Variants in RPTOR observed in about 807,000 individuals in gnomAD.
RPTOR encodes the protein regulatory-associated protein of mTOR.
RPTOR carries 21 observed loss-of-function variants against 169.9 expected under a neutral mutation model. The observed-to-expected ratio is 0.12, with a 90% CI of 0.09 to 0.18. RPTOR has a LOEUF of 0.18. Among genes scored for constraint, RPTOR ranks in the 10% least tolerant of loss-of-function variants. The pLI is 1.00. For missense variants in RPTOR, 1,133 were observed against 1,855.9 expected, an observed-to-expected ratio of 0.61 and a Z score of 7.16; for synonymous variants, 732 against 753.2, an observed-to-expected ratio of 0.97 and a Z score of 0.46.
At chr17:80,883,568 A>G (rs1020888516) in intron 15 of RPTOR, 84 bp downstream of exon 15, 4 of 1,406,032 alleles carry the variant, frequency 2.8e-6, no homozygotes, top group Admixed American at 1.7e-5. Context: ...GTGGTGCCAC[A>G]TGGGGGACAG....
intron 6 of RPTOR, among the ~76,000 whole-genome samples, chr17:80,755,694 G>A (rs1225203185): frequency 6.8e-6 from 1 of 148,100 alleles, no homozygotes; most frequent in African/African-American, 2.5e-5. Context: ...AGCCAAGATT[G>A]TGCCAGTGTA....
At chr17:80,723,531 A>T (rs182932975) in intron 4 of RPTOR, among the ~76,000 whole-genome samples, 2 of 151,268 alleles carry the variant, frequency 1.3e-5, no homozygotes, top group Non-Finnish European at 2.9e-5. Context: ...AATTGTTTCA[A>T]CTTTGACCAC....
Position 80,880,465 on chromosome 17 carries a change from G to A in RPTOR, c.1560G>A (p.Ser520=), listed in dbSNP as rs146549130. The A allele has an allele frequency of 6.1e-5, 99 of 1,613,522 alleles. No homozygotes were observed. The highest frequency in any genetic ancestry group is 7.6e-5 in the Non-Finnish European group (90 of 1,180,010). Residue 520 remains serine (S), a synonymous_variant, in exon 14 of 34, where the codon TCG becomes TCA. Transcript: ENST00000306801. ...ACAACGGCCACAAGTACTTCCTGTC[G>A]GTCCTGGCGGACCCCTACATGCCAG... ...VKDNGHKYFL[S]VLADPYMPAE...
At chr17:80,727,774 C>A (rs1481891096) in intron 4 of RPTOR, among the ~76,000 whole-genome samples, 1 of 151,854 alleles carries the variant, frequency 6.6e-6, no homozygotes, top group East Asian at 1.9e-4. Flanking sequence ...TTTTTTTTAC[C>A]AGTCAAAACA....
intron 1 of RPTOR, among the ~76,000 whole-genome samples, chr17:80,584,486 G>A (rs12951309): frequency 0.19 from 28,635 of 152,022 alleles, 3,001 homozygotes; most frequent in East Asian, 0.28. Context: ...GAGGACCACT[G>A]CTATAAAAAC....
At chr17:80,838,341 ACT>A (rs1180260751) in intron 10 of RPTOR, among the ~76,000 whole-genome samples, 1 of 151,818 alleles carries the variant, frequency 6.6e-6, no homozygotes. Context: ...CAGGCCTCTG[ACT>A]CTCAGCCCTG....
At position 80,651,784 on chromosome 17, in the gene RPTOR, G is replaced by A. The variant is rs1447419830; in HGVS notation, c.348+7974G>A. On this transcript the variant is annotated intron_variant, in intron 3 of 33. Transcript: ENST00000306801. The surrounding 1 kb of genome is among the most constrained non-coding windows in gnomAD (Gnocchi z 4.1). ...TGTAATCCCAGCACTTTGGGAGGCCGAGGCGGGTGGATCGTGAGGTCAGGA... is the reference window on the plus strand; with the variant it reads ...TGTAATCCCAGCACTTTGGGAGGCCAAGGCGGGTGGATCGTGAGGTCAGGA... Among the ~76,000 whole-genome samples, 6 of 152,062 alleles carry A rather than the reference G, an allele frequency of 3.9e-5. No individual in the cohort carries two copies. The highest frequency in any genetic ancestry group is 1.2e-4 in the African/African-American group (5 of 41,402).
At chr17:80,800,090 G>A (rs1346378994) in intron 7 of RPTOR, among the ~76,000 whole-genome samples, 1 of 152,224 alleles carries the variant, frequency 6.6e-6, no homozygotes, top group Non-Finnish European at 1.5e-5. Context: ...GCTGTCTGGG[G>A]TTTGGGGGCT....
chr17:80,548,657 G>A (rs1224178234), intron 1 of RPTOR, among the ~76,000 whole-genome samples: 1 of 152,032 alleles, frequency 6.6e-6, no homozygotes, highest in African/African-American at 2.4e-5. Context: ...ACAGGTGTGA[G>A]CCACAGCACC....
At chr17:80,679,367 G>A (rs963617630) in intron 3 of RPTOR, among the ~76,000 whole-genome samples, 4 of 152,206 alleles carry the variant, frequency 2.6e-5, no homozygotes, top group African/African-American at 9.7e-5. Flanking sequence ...GCACAGGGCG[G>A]GAGGAAAGAG....
In RPTOR at chr17:80,637,458, T is replaced by C. The variant is rs545330527; in HGVS notation, c.266-6270T>C. On this transcript the variant is annotated intron_variant, in intron 2 of 33. Coordinates refer to ENST00000306801, the MANE Select transcript of RPTOR (RefSeq NM_020761.3). ...TTTTCCCACCCCTGCTCCGCCCCCC[T>C]CTGGATAATAAGTTGCTGTTCTAGT... Among the ~76,000 whole-genome samples the C allele has an allele frequency of 4.6e-5, 7 of 152,244 alleles. No homozygotes were observed. The East Asian group carries it at 1.2e-3, about 25-fold the overall frequency.
At chr17:80,647,568 C>T (rs1323718882) in intron 3 of RPTOR, among the ~76,000 whole-genome samples, 6 of 151,182 alleles carry the variant, frequency 4.0e-5, no homozygotes, top group African/African-American at 1.5e-4. Flanking sequence ...AAGCAGAGGC[C>T]ACACCTCTTT....
At chr17:80,560,841 C>T (rs1370758103) in intron 1 of RPTOR, among the ~76,000 whole-genome samples, 1 of 152,028 alleles carries the variant, frequency 6.6e-6, no homozygotes, top group Non-Finnish European at 1.5e-5. Context: ...ACTGCTGAGC[C>T]CGAGGCTGTT....
At chr17:80,768,630 C>A (rs1361040086) in intron 6 of RPTOR, among the ~76,000 whole-genome samples, 1 of 152,102 alleles carries the variant, frequency 6.6e-6, no homozygotes, top group Non-Finnish European at 1.5e-5. Context: ...CATTTGTTGT[C>A]TCCTGCTTGA....
chr17:80,574,144 T>TTTTTTTC (rs1268833684), intron 1 of RPTOR, among the ~76,000 whole-genome samples: 1 of 149,058 alleles, frequency 6.7e-6, no homozygotes, highest in African/African-American at 2.6e-5. Context: ...AAGATGGTTT[T>TTTTTTTC]TTTTTTCTTT....
At chr17:80,757,381 T>A (rs907227147) in intron 6 of RPTOR, among the ~76,000 whole-genome samples, 7 of 152,156 alleles carry the variant, frequency 4.6e-5, no homozygotes, top group Non-Finnish European at 8.8e-5. Context: ...CTGCTCTCCA[T>A]CCTTGTTTGT....
chr17:80,773,918 G>A (rs1386087636), intron 6 of RPTOR: 1 of 985,426 alleles, frequency 1.0e-6, no homozygotes, highest in African/African-American at 1.7e-5. Flanking sequence ...GCTCCCGGTG[G>A]ACACGCAGGG....
chr17:80,912,856 C>T (rs1287124983), intron 21 of RPTOR, among the ~76,000 whole-genome samples: 4 of 152,166 alleles, frequency 2.6e-5, no homozygotes, highest in African/African-American at 9.7e-5. Context: ...CCTGCTTTGC[C>T]GTTCTAGAAT....
chr17:80,642,937 G>A (rs1051818514), intron 2 of RPTOR, among the ~76,000 whole-genome samples: 1 of 152,230 alleles, frequency 6.6e-6, no homozygotes, highest in East Asian at 1.9e-4. Context: ...ATGCAAAAAT[G>A]CTGCTCTTCT....
Sources: allele counts gnomAD v4.1 joint callset (sites outside exome capture counted in the v4.1 genomes callset), GRCh38; gene constraint gnomAD v4.1.1; non-coding constraint Gnocchi (gnomAD v3.1); transcripts MANE v1.5; gene names NCBI Gene and HGNC (gene_info 2026-07-23, HGNC 2026-07-21).